Variants in SYNE1 observed in about 807,000 individuals in gnomAD.
SYNE1 encodes the protein nesprin-1.
SYNE1 carries 616 observed loss-of-function variants against 1,111.0 expected under a neutral mutation model. The observed-to-expected ratio is 0.55, with a 90% CI of 0.52 to 0.59. SYNE1 has a LOEUF of 0.59. Among genes scored for constraint, SYNE1 ranks in the 20% least tolerant of loss-of-function variants. SYNE1 has a pLI of 0.00. For synonymous variants in SYNE1, 3,855 were observed against 3,825.8 expected (o/e 1.01, Z -0.28); for missense variants, 10,006 against 10,417.0 (o/e 0.96, Z 1.72).
chr6:152,300,878 A>T, intron 92 of SYNE1, 97 bp from the exon 93 acceptor site: 1 of 1,564,586 alleles, frequency 6.4e-7, no homozygotes, highest in South Asian at 1.1e-5. Context: ...TTAATTATAA[A>T]ACGAAGGTTA....
chr6:152,443,280 T>C (rs1344012637), intron 30 of SYNE1, among the ~76,000 whole-genome samples: 2 of 152,198 alleles, frequency 1.3e-5, no homozygotes, highest in East Asian at 3.8e-4. Context: ...CTCAGCCATT[T>C]TTTAGACAGA....
rs764194817 is a variant in SYNE1, at chr6:152,488,387, A to G, written c.1047+9T>C. 2.7e-6 allele frequency: 4 copies of G among 1,500,978 alleles called. No individual in the cohort carries two copies. The African/African-American group carries it at 4.1e-5, about 16-fold the overall frequency. The allele number at this position is 1,500,978 out of a possible 1,614,324, so 93.0% of individuals were successfully genotyped here. ...TTTGAAAAATTCAAAAATCTTCTCC[A>G]TACAATACCTGATATTTATCCTGTA... On this transcript the variant is annotated intron_variant, in intron 12 of 145. Coordinates refer to ENST00000367255, the MANE Select transcript of SYNE1 (RefSeq NM_182961.4).
intron 6 of SYNE1, among the ~76,000 whole-genome samples, chr6:152,517,893 G>A (rs539768263): frequency 6.6e-6 from 1 of 152,142 alleles, no homozygotes; most frequent in East Asian, 1.9e-4. Context: ...TAGTAGGGAT[G>A]AGAAAGGAGT....
At chr6:152,583,190 G>C (rs957073996) in intron 3 of SYNE1, among the ~76,000 whole-genome samples, 2 of 152,198 alleles carry the variant, frequency 1.3e-5, no homozygotes, top group African/African-American at 4.8e-5. Context: ...TCCTAAATCA[G>C]TGACCCTCAT....
In SYNE1 at chr6:152,451,106, C is replaced by G; in HGVS notation, c.3127G>C (p.Asp1043His). 1 of 1,614,150 alleles carries G rather than the reference C, an allele frequency of 6.2e-7. No homozygotes were observed. The highest frequency in any genetic ancestry group is 8.5e-7 in the Non-Finnish European group (1 of 1,180,022). ...TGGGGCATCAGCTTGGTCTCTCGAT[C>G]CAGCTCAGTTCTGCATTCTTCTACA... ...ASVEECRTELDRETKLMPQEG... is the reference protein window; with the variant it reads ...ASVEECRTELHRETKLMPQEG... Residue 1043 changes from aspartate (D) to histidine (H), a missense_variant, in exon 26 of 146, where the codon GAT becomes CAT. Asp to His is a moderately conservative substitution (Grantham distance 81, BLOSUM62 -1). Transcript: ENST00000367255.
chr6:152,255,615 T>C lies in SYNE1; in HGVS notation c.19236A>G (p.Thr6412=), dbSNP rs140017227. ...CCTCTTGGTTGAAGAGACAAGTCTC[T>C]GTTTCTTCTGGTAAAAGTGCTGTGG... The part of the protein sequence containing the change: ...FVATALLPEE[T]ETCLFNQEIL... The change falls in exon 103 of 146, where the codon ACA becomes ACG. Residue 6412 remains threonine, a synonymous_variant. Coordinates refer to ENST00000367255, the MANE Select transcript of SYNE1 (RefSeq NM_182961.4). 1.9e-6 allele frequency: 3 copies of C among 1,614,126 alleles called. No homozygotes were observed. The highest frequency in any genetic ancestry group is 2.7e-5 in the African/African-American group (2 of 74,948).
Position 152,466,182 on chromosome 6 carries a change from G to T in SYNE1, c.1633-104C>A. Reference sequence around the variant, plus strand: ...CTATAAGCACAGTTTACCCAAATTTGTTAATCTCAGTCTTCTTGAAAACAT... The same window carrying T: ...CTATAAGCACAGTTTACCCAAATTTTTTAATCTCAGTCTTCTTGAAAACAT... On this transcript the variant is annotated intron_variant, in intron 16 of 145. Coordinates refer to ENST00000367255, the MANE Select transcript of SYNE1 (RefSeq NM_182961.4). 1.4e-5 allele frequency: 10 copies of T among 694,024 alleles called. No homozygotes were observed. In the South Asian group the frequency reaches 1.5e-4, roughly 11 times the overall value. The allele number at this position is 694,024 out of a possible 1,614,324, so 43.0% of individuals were successfully genotyped here.
At chr6:152,312,322 G>A (rs948577870) in intron 87 of SYNE1, among the ~76,000 whole-genome samples, 4 of 149,530 alleles carry the variant, frequency 2.7e-5, no homozygotes, top group African/African-American at 7.4e-5. Flanking sequence ...CGATTCTCCT[G>A]CCTCAGCTTC....
intron 43 of SYNE1, 131 bp from the exon 44 acceptor site, chr6:152,409,357 T>C (rs1194633530): frequency 2.9e-6 from 3 of 1,025,034 alleles, no homozygotes; most frequent in East Asian, 2.6e-5. Flanking sequence ...ATTAATTAAC[T>C]ATATGAATAT....
At chr6:152,518,959 G>A (rs1049526309) in intron 6 of SYNE1, among the ~76,000 whole-genome samples, 1 of 151,238 alleles carries the variant, frequency 6.6e-6, no homozygotes, top group African/African-American at 2.4e-5. Flanking sequence ...GACATAGGAA[G>A]GGGAACATCA....
At chr6:152,472,273 C>A (rs776625103) in intron 15 of SYNE1, 28 bp downstream of exon 15, 3 of 1,570,262 alleles carry the variant, frequency 1.9e-6, no homozygotes, top group Non-Finnish European at 2.6e-6. Context: ...TAAAAAGAGA[C>A]TTCCTTTAAA....
chr6:152,331,413 C>G lies in SYNE1; in HGVS notation c.13272G>C (p.Gln4424His), dbSNP rs1212244817. 1 of 1,614,180 alleles carries G rather than the reference C, an allele frequency of 6.2e-7. No individual in the cohort carries two copies. The change falls in exon 78 of 146, where the codon CAG becomes CAC. Residue 4424 changes from glutamine (Q) to histidine (H), a missense_variant. Transcript: ENST00000367255. ...DLGLNERQVIQKALSDAQSHV... is the reference protein window; with the variant it reads ...DLGLNERQVIHKALSDAQSHV... The stretch of plus-strand genomic sequence containing the variant: ...GGCTTTGTGCATCAGAGAGAGCCTT[C>G]TGGATGACCTGTCGCTCATTGAGAC...
intron 66 of SYNE1, among the ~76,000 whole-genome samples, chr6:152,356,968 T>C (rs1266737151): frequency 6.6e-6 from 1 of 152,222 alleles, no homozygotes; most frequent in Non-Finnish European, 1.5e-5. Flanking sequence ...GTGATGTTGG[T>C]AGTGTAGAAC....
chr6:152,422,802 C>T (rs757651202), intron 39 of SYNE1, among the ~76,000 whole-genome samples: 4 of 152,238 alleles, frequency 2.6e-5, no homozygotes, highest in Non-Finnish European at 2.9e-5. Context: ...AGCCATCACA[C>T]CCAATCTCTA....
chr6:152,407,593 A>G (rs1258467887), intron 44 of SYNE1, among the ~76,000 whole-genome samples: 1 of 152,210 alleles, frequency 6.6e-6, no homozygotes, highest in Non-Finnish European at 1.5e-5. Flanking sequence ...TATAATTAGC[A>G]TTAATTAGAT....
rs767998577 is a variant in SYNE1, at chr6:152,237,052, T to C, written c.20068-104A>G. On this transcript the variant is annotated intron_variant, in intron 108 of 145. Transcript: ENST00000367255. ...GCCTGACAGTCTCTCCTTAAAGTTATATCAGAGATGTTTGCGTTGGGCCTT... is the reference window on the plus strand; with the variant it reads ...GCCTGACAGTCTCTCCTTAAAGTTACATCAGAGATGTTTGCGTTGGGCCTT... The C allele has an allele frequency of 2.1e-5, 31 of 1,478,048 alleles. 1 individual carries two copies. The South Asian group carries it at 2.9e-4, about 14-fold the overall frequency. 91.6% of individuals were successfully genotyped at this position (1,478,048 alleles called of 1,614,324 possible). A position where few individuals can be genotyped will look rare whatever the true frequency, so the allele number is the denominator to read the frequency against.
chr6:152,446,064 T>C (rs1330336681), intron 29 of SYNE1, among the ~76,000 whole-genome samples: 1 of 151,722 alleles, frequency 6.6e-6, no homozygotes, highest in African/African-American at 2.4e-5. Flanking sequence ...ATGGCCTTGG[T>C]AAATGTTAGG....
chr6:152,350,064 G>A lies in SYNE1; in HGVS notation c.11901+104C>T. Reference sequence around the variant, plus strand: ...AGTACAATCATTATAAACCAGAGATGCACCTGTGTGTGCACCCCCACACAT... The same window carrying A: ...AGTACAATCATTATAAACCAGAGATACACCTGTGTGTGCACCCCCACACAT... On this transcript the variant is annotated intron_variant, in intron 72 of 145. Coordinates refer to ENST00000367255, the MANE Select transcript of SYNE1 (RefSeq NM_182961.4). The A allele has an allele frequency of 6.4e-6, 9 of 1,403,470 alleles. No homozygotes were observed. In the South Asian group the frequency reaches 1.1e-4, roughly 17 times the overall value. 86.9% of individuals were successfully genotyped at this position (1,403,470 alleles called of 1,614,324 possible).
intron 4 of SYNE1, among the ~76,000 whole-genome samples, chr6:152,531,588 A>G (rs750803623): frequency 6.6e-6 from 1 of 152,212 alleles, no homozygotes; most frequent in South Asian, 2.1e-4. Context: ...TTATTGTGCA[A>G]CTGATCTCCA....
Sources: allele counts gnomAD v4.1 joint callset (sites outside exome capture counted in the v4.1 genomes callset), GRCh38; gene constraint gnomAD v4.1.1; transcripts MANE v1.5; gene names NCBI Gene and HGNC (gene_info 2026-07-23, HGNC 2026-07-21).